Variants in TRPV3 observed in about 807,000 individuals in gnomAD.
TRPV3 encodes the protein transient receptor potential cation channel subfamily V member 3, also known as VRL-3.
A neutral mutation model predicts 87.1 loss-of-function variants in TRPV3; 88 were observed. The observed-to-expected ratio is 1.01, with a 90% CI of 0.85 to 1.21. The LOEUF is 1.21. TRPV3 is among the 50% of genes most tolerant of loss of function. The pLI, the probability that TRPV3 is intolerant of heterozygous loss-of-function variation, is 0.00. For synonymous variants in TRPV3, 438 were observed against 423.3 expected (o/e 1.03, Z -0.43); for missense variants, 1,054 against 1,030.1 (o/e 1.02, Z -0.32).
intron 13 of TRPV3, among the ~76,000 whole-genome samples, chr17:3,523,096 T>C (rs1471478043): frequency 6.6e-6 from 1 of 152,184 alleles, no homozygotes; most frequent in Non-Finnish European, 1.5e-5. Context: ...CTCATTGTTT[T>C]GTTGATATCT....
chr17:3,524,416 C>A (rs2074276608), intron 12 of TRPV3, 53 bp from the exon 13 acceptor site: 1 of 1,597,586 alleles, frequency 6.3e-7, no homozygotes, highest in East Asian at 2.2e-5. Flanking sequence ...AGCATCAGGG[C>A]AAAGATATGC....
Position 3,518,901 on chromosome 17 carries a change from T to G in TRPV3, c.1811-51A>C. The stretch of plus-strand genomic sequence containing the variant: ...CCTCAGCTCTCTGCCTGGTAATTAC[T>G]CTACAAGCTTGCGTGTATTTGCCTA... On this transcript the variant is annotated intron_variant, in intron 14 of 17. Coordinates refer to ENST00000576742, the MANE Select transcript of TRPV3 (RefSeq NM_145068.4). The surrounding 1 kb of genome is among the most constrained non-coding windows in gnomAD (Gnocchi z 4.3). 6.4e-7 allele frequency: 1 copy of G among 1,564,256 alleles called. No homozygotes were observed. Among genetic ancestry groups the G allele is most frequent in the Non-Finnish European group, 8.7e-7 (1 of 1,154,740 alleles).
In TRPV3 at chr17:3,519,512, AGATGGATG is replaced by A. The variant is rs1164210446; in HGVS notation, c.1811-670_1811-663del. Reference sequence around the variant, plus strand: ...TGGATGGATGGATGGATGGGTGATTAGATGGATGGATGGATGGATGGATAGATGGATGG... The same window carrying A: ...TGGATGGATGGATGGATGGGTGATTAGATGGATGGATGGATAGATGGATGG... On this transcript the variant is annotated intron_variant, in intron 14 of 17. Coordinates refer to ENST00000576742, the MANE Select transcript of TRPV3 (RefSeq NM_145068.4). Among the ~76,000 whole-genome samples, 42 of 56,614 alleles carry A rather than the reference AGATGGATG, an allele frequency of 7.4e-4. No homozygotes were observed. The East Asian group carries it at 0.027, about 36-fold the overall frequency. The allele number at this position is 56,614 out of a possible 152,430, so 37.1% of individuals were successfully genotyped here.
intron 6 of TRPV3, among the ~76,000 whole-genome samples, chr17:3,538,729 C>T (rs564697230): frequency 1.2e-4 from 19 of 152,162 alleles, no homozygotes; most frequent in African/African-American, 4.3e-4. Flanking sequence ...GGATTACAAG[C>T]GTGCCCCACC....
At position 3,529,010 on chromosome 17, in the gene TRPV3, C is replaced by T. The variant is rs2074325499; in HGVS notation, c.1243-15G>A. ...TCATGCCGGTTCTAGGGGTAGAATG[C>T]CACCAGTCACCATGGAGATGAGGGA... On this transcript the variant is annotated splice_polypyrimidine_tract_variant and intron_variant, in intron 9 of 17. Transcript: ENST00000576742. 2 of 1,613,912 alleles carry T rather than the reference C, an allele frequency of 1.2e-6. No homozygotes were observed. The highest frequency in any genetic ancestry group is 1.3e-5 in the African/African-American group (1 of 74,918).
intron 6 of TRPV3, among the ~76,000 whole-genome samples, chr17:3,541,696 C>T (rs1658483021): frequency 6.6e-6 from 1 of 152,296 alleles, no homozygotes; most frequent in African/African-American, 2.4e-5. Context: ...CCCTGCCCGG[C>T]TCTCTTGCCT....
chr17:3,525,530 A>T (rs2074291657), intron 12 of TRPV3, among the ~76,000 whole-genome samples: 1 of 152,188 alleles, frequency 6.6e-6, no homozygotes, highest in African/African-American at 2.4e-5. Flanking sequence ...TGATTGCCCA[A>T]CAACATGAAT....
intron 2 of TRPV3, among the ~76,000 whole-genome samples, chr17:3,551,601 A>G (rs898004453): frequency 4.6e-5 from 7 of 152,202 alleles, no homozygotes; most frequent in Admixed American, 3.9e-4. Flanking sequence ...GCTTTGTGCC[A>G]AGAAATGCCC....
At chr17:3,546,771 A>T in intron 2 of TRPV3, 1 of 415,816 alleles carries the variant, frequency 2.4e-6, no homozygotes, top group Non-Finnish European at 4.9e-6. Context: ...TGAGGTCAGG[A>T]GTTTGAGGCC....
rs758219963 is a variant in TRPV3, at chr17:3,542,649, C to T, written c.516G>A (p.Leu172=). ...GGTTGATGTTTAACAAGGCCTTCAT[C>T]AGGCAGGTCTTCCCCGTGTCGGAGG... is the stretch of plus-strand genomic sequence containing the variant. The part of the protein sequence containing the change: ...LTASDTGKTC[L]MKALLNINPN... The change falls in exon 6 of 18, where the codon CTG becomes CTA. Residue 172 remains leucine (L), a synonymous_variant. Coordinates refer to ENST00000576742, the MANE Select transcript of TRPV3 (RefSeq NM_145068.4). 1.9e-6 allele frequency: 3 copies of T among 1,614,018 alleles called. No homozygotes were observed. Among genetic ancestry groups the T allele is most frequent in the African/African-American group, 1.3e-5 (1 of 74,920 alleles).
In TRPV3 at chr17:3,518,903, T is replaced by G; in HGVS notation, c.1811-53A>C. 13 of 1,561,828 alleles carry G rather than the reference T, an allele frequency of 8.3e-6. No homozygotes were observed. Among genetic ancestry groups the G allele is most frequent in the Non-Finnish European group, 1.1e-5 (13 of 1,153,092 alleles). On this transcript the variant is annotated intron_variant, in intron 14 of 17. Coordinates refer to ENST00000576742, the MANE Select transcript of TRPV3 (RefSeq NM_145068.4). This position sits in a 1 kb window ranked among gnomAD's most constrained non-coding sequence, Gnocchi z 4.3. ...TCAGCTCTCTGCCTGGTAATTACTC[T>G]ACAAGCTTGCGTGTATTTGCCTACA...
Position 3,524,427 on chromosome 17 carries a change from A to G in TRPV3, c.1578-64T>C, listed in dbSNP as rs1309281876. ...TCTCAGCATCAGGGCAAAGATATGCAAATCCCCCAAACCTCCCTTAAACCC... is the reference window on the plus strand; with the variant it reads ...TCTCAGCATCAGGGCAAAGATATGCGAATCCCCCAAACCTCCCTTAAACCC... On this transcript the variant is annotated intron_variant, in intron 12 of 17. Coordinates refer to ENST00000576742, the MANE Select transcript of TRPV3 (RefSeq NM_145068.4). 6.3e-6 allele frequency: 10 copies of G among 1,589,786 alleles called. No homozygotes were observed. The Admixed American group carries it at 1.7e-4, about 27-fold the overall frequency.
In TRPV3 at chr17:3,510,704, C is replaced by G. The variant is rs2074100652; in HGVS notation, c.*3213G>C. 1 of 152,206 alleles carries G rather than the reference C, an allele frequency of 6.6e-6. No homozygotes were observed. Among genetic ancestry groups the G allele is most frequent in the Admixed American group, 6.5e-5 (1 of 15,270 alleles). 9.4% of individuals were successfully genotyped at this position (152,206 alleles called of 1,614,324 possible). A position where few individuals can be genotyped will look rare whatever the true frequency, so the allele number is the denominator to read the frequency against. On this transcript the variant is annotated 3_prime_UTR_variant, in exon 18 of 18. Transcript: ENST00000576742. ...GGGGTGACGATTCTGTGTTTGGAAC[C>G]AAGATCACAGTAAAAAATATGTAAA...
chr17:3,520,032 G>A (rs767782561), intron 14 of TRPV3, among the ~76,000 whole-genome samples: 1 of 151,918 alleles, frequency 6.6e-6, no homozygotes, highest in Non-Finnish European at 1.5e-5. Context: ...ACAGGTGGAT[G>A]AGCAAATTAA....
rs79270879 is a variant in TRPV3 at position 3,544,730 on chromosome 17, C to G, written c.225-65G>C. The G allele has an allele frequency of 3.2e-3, 3,780 of 1,194,698 alleles. 105 individuals are homozygous for G. The East Asian group carries it at 0.064, about 20-fold the overall frequency. The allele number at this position is 1,194,698 out of a possible 1,614,324, so 74.0% of individuals were successfully genotyped here. ...TTTTAAAATGGGCCGGGTGAGGTGG[C>G]TCATGCATGTAATCCCAGCACTTTG... On this transcript the variant is annotated intron_variant, in intron 3 of 17. Transcript: ENST00000576742.
In TRPV3 at chr17:3,556,677, A is replaced by T. The variant is rs1477602354; in HGVS notation, c.-3+999T>A. Among the ~76,000 whole-genome samples the T allele has an allele frequency of 2.0e-5, 3 of 152,092 alleles. No individual in the cohort carries two copies. The highest frequency in any genetic ancestry group is 4.4e-5 in the Non-Finnish European group (3 of 67,994). On this transcript the variant is annotated intron_variant, in intron 1 of 17. Coordinates refer to ENST00000576742, the MANE Select transcript of TRPV3 (RefSeq NM_145068.4). The surrounding 1 kb of genome is among the most constrained non-coding windows in gnomAD (Gnocchi z 4.2). ...CCAACTCAAAGGGAGCAGGCTCAGGATGGAGGAGGCATCGGCGAGGGAGAG... is the reference window on the plus strand; with the variant it reads ...CCAACTCAAAGGGAGCAGGCTCAGGTTGGAGGAGGCATCGGCGAGGGAGAG...
Position 3,528,252 on chromosome 17 carries a change from C to A in TRPV3, c.1402-126G>T. 1 of 667,324 alleles carries A rather than the reference C, an allele frequency of 1.5e-6. No individual in the cohort carries two copies. Among genetic ancestry groups the A allele is most frequent in the Non-Finnish European group, 2.5e-6 (1 of 393,970 alleles). 41.3% of individuals were successfully genotyped at this position (667,324 alleles called of 1,614,324 possible). The stretch of plus-strand genomic sequence containing the variant: ...GCCAGAGACCAGCATGAAACCTGAT[C>A]TCTGTACAGGGCAAGAGAAGGAAGA... On this transcript the variant is annotated intron_variant, in intron 10 of 17. Coordinates refer to ENST00000576742, the MANE Select transcript of TRPV3 (RefSeq NM_145068.4). The surrounding 1 kb of genome is among the most constrained non-coding windows in gnomAD (Gnocchi z 4.2).
In TRPV3 at chr17:3,524,277, A is replaced by G. The variant is rs776846972; in HGVS notation, c.1664T>C (p.Met555Thr). 4 of 1,614,132 alleles carry G rather than the reference A, an allele frequency of 2.5e-6. No homozygotes were observed. The highest frequency in any genetic ancestry group is 3.4e-6 in the Non-Finnish European group (4 of 1,180,052). ...GAGCATGTTCGCCCAGCCCAGGGCC[A>G]TGGCCAGCACGAGGCAGGCGAGGTA... ...KEYLACLVLA[M>T]ALGWANMLYY... The change falls in exon 13 of 18, where the codon ATG (methionine) becomes ACG (threonine). Residue 555 changes from methionine to threonine, a missense_variant. Transcript: ENST00000576742.
At position 3,556,800 on chromosome 17, in the gene TRPV3, G is replaced by C. The variant is rs1421425657; in HGVS notation, c.-3+876C>G. On this transcript the variant is annotated intron_variant, in intron 1 of 17. Coordinates refer to ENST00000576742, the MANE Select transcript of TRPV3 (RefSeq NM_145068.4). This position sits in a 1 kb window ranked among gnomAD's most constrained non-coding sequence, Gnocchi z 4.2. ...CCCGGCCCTCCCGTGTCCAGTCACGGCCTGATGAGGATGGGCAGCCTCTAT... is the reference window on the plus strand; with the variant it reads ...CCCGGCCCTCCCGTGTCCAGTCACGCCCTGATGAGGATGGGCAGCCTCTAT... Among the ~76,000 whole-genome samples the C allele has an allele frequency of 3.9e-5, 6 of 152,084 alleles. No individual in the cohort carries two copies. Among genetic ancestry groups the C allele is most frequent in the Admixed American group, 1.3e-4 (2 of 15,272 alleles).
Sources: allele counts gnomAD v4.1 joint callset (sites outside exome capture counted in the v4.1 genomes callset), GRCh38; gene constraint gnomAD v4.1.1; non-coding constraint Gnocchi (gnomAD v3.1); transcripts MANE v1.5; gene names NCBI Gene and HGNC (gene_info 2026-07-23, HGNC 2026-07-21).